EYS: variants seen among roughly 807,000 people sequenced by gnomAD.
EYS encodes the protein protein eyes shut homolog.
In EYS, 250 loss-of-function variants were observed where a neutral mutation model predicts 282.1. The observed-to-expected ratio is 0.89, with a 90% CI of 0.80 to 0.98. The LOEUF (loss-of-function observed/expected upper bound fraction) is 0.98, where lower values mean the gene tolerates loss of function less well. EYS is among the 50% of genes least tolerant of loss of function. The pLI is 0.00. For missense variants in EYS, 4,016 were observed against 3,709.0 expected (o/e 1.08, Z -2.15); for synonymous variants, 1,355 against 1,282.9 (o/e 1.06, Z -1.20).
In EYS at chr6:64,992,597, A is replaced by G. The variant is rs545721722; in HGVS notation, c.2259+4985T>C. On this transcript the variant is annotated intron_variant, in intron 14 of 42. Coordinates refer to ENST00000503581, the MANE Select transcript of EYS (RefSeq NM_001142800.2). ...ACACTCCAAAGTATCTGAGAAATTA[A>G]TGAGAACTAAATGTGCTTTTGTCTC... 1.1e-4 allele frequency among the ~76,000 whole-genome samples: 16 copies of G among 152,070 alleles called. No homozygotes were observed. The South Asian group carries it at 2.9e-3, about 28-fold the overall frequency.
intron 41 of EYS, among the ~76,000 whole-genome samples, chr6:63,760,895 T>G (rs917123083): frequency 3.3e-5 from 5 of 152,032 alleles, no homozygotes; most frequent in African/African-American, 1.2e-4. Flanking sequence ...GTCATATTAT[T>G]TATTTCCATT....
At chr6:63,963,538 C>T (rs1766175006) in intron 35 of EYS, among the ~76,000 whole-genome samples, 1 of 152,144 alleles carries the variant, frequency 6.6e-6, no homozygotes, top group Non-Finnish European at 1.5e-5. Context: ...GCTTTCTGCT[C>T]CTGGCGCAGC....
intron 11 of EYS, chr6:65,330,004 C>T (rs561263703): frequency 1.0e-3 from 997 of 983,782 alleles, no homozygotes; most frequent in Non-Finnish European, 1.1e-3. Flanking sequence ...GTAAAGGAAA[C>T]AGGTTAAATT....
chr6:65,254,699 A>G (rs997085673), intron 12 of EYS, among the ~76,000 whole-genome samples: 1 of 151,834 alleles, frequency 6.6e-6, no homozygotes, highest in South Asian at 2.1e-4. Flanking sequence ...GTGGAAAGTT[A>G]TGTAGGGCTG....
intron 19 of EYS, among the ~76,000 whole-genome samples, chr6:64,844,324 A>C (rs192809305): frequency 6.6e-6 from 1 of 151,244 alleles, no homozygotes; most frequent in Admixed American, 6.6e-5. Flanking sequence ...GAGTGAGACT[A>C]AAACCATGTA....
intron 26 of EYS, among the ~76,000 whole-genome samples, chr6:64,507,966 C>T (rs1485520775): frequency 6.6e-6 from 1 of 152,134 alleles, no homozygotes; most frequent in Non-Finnish European, 1.5e-5. Context: ...GAGACGGTTC[C>T]TGAGTGGAAC....
chr6:64,425,657 G>GAAAA (rs34577912), intron 28 of EYS, among the ~76,000 whole-genome samples: 32 of 67,788 alleles, frequency 4.7e-4, no homozygotes, highest in African/African-American at 1.4e-3. Context: ...TCCATCCCAG[G>GAAAA]AAAAAAAAAA....
intron 33 of EYS, among the ~76,000 whole-genome samples, chr6:64,017,109 CA>C (rs1204560358): frequency 2.0e-5 from 3 of 151,816 alleles, no homozygotes; most frequent in Admixed American, 1.3e-4. Flanking sequence ...TATATGAGTG[CA>C]AAGGCAAGGA....
intron 29 of EYS, among the ~76,000 whole-genome samples, chr6:64,313,462 G>C (rs1769810663): frequency 6.6e-6 from 1 of 152,104 alleles, no homozygotes; most frequent in South Asian, 2.1e-4. Context: ...ACACTCTGCA[G>C]GATATTATCC....
At chr6:64,995,813 T>A (rs1440422671) in intron 14 of EYS, among the ~76,000 whole-genome samples, 1 of 150,110 alleles carries the variant, frequency 6.7e-6, no homozygotes, top group African/African-American at 2.4e-5. Context: ...TTAGTGGCAA[T>A]TCATAAAATA....
chr6:65,628,068 A>G (rs1054312035), intron 2 of EYS, among the ~76,000 whole-genome samples: 7 of 152,216 alleles, frequency 4.6e-5, no homozygotes, highest in African/African-American at 1.7e-4. Flanking sequence ...CACACCAATC[A>G]GCACCGTGTG....
chr6:64,736,980 T>C (rs1772205400), intron 22 of EYS, among the ~76,000 whole-genome samples: 1 of 152,212 alleles, frequency 6.6e-6, no homozygotes, highest in South Asian at 2.1e-4. Flanking sequence ...TGATGTTTCA[T>C]TGTGTATTTT....
At chr6:65,106,312 T>C (rs912901747) in intron 12 of EYS, among the ~76,000 whole-genome samples, 18 of 152,154 alleles carry the variant, frequency 1.2e-4, no homozygotes, top group African/African-American at 4.3e-4. Context: ...ACCCTTATTT[T>C]TTCTTTACTT....
chr6:65,175,309 C>T (rs963492083), intron 12 of EYS, among the ~76,000 whole-genome samples: 1 of 151,238 alleles, frequency 6.6e-6, no homozygotes, highest in African/African-American at 2.4e-5. Flanking sequence ...GTAAGGCAAG[C>T]ACAGGAGATG....
intron 1 of EYS, among the ~76,000 whole-genome samples, chr6:65,680,632 G>A (rs1364818728): frequency 6.6e-6 from 1 of 151,934 alleles, no homozygotes; most frequent in Non-Finnish European, 1.5e-5. Flanking sequence ...TTTAAAGACT[G>A]CAATTTGTTT....
At chr6:65,105,549 A>G (rs989954242) in intron 12 of EYS, among the ~76,000 whole-genome samples, 7 of 151,902 alleles carry the variant, frequency 4.6e-5, no homozygotes, top group Non-Finnish European at 2.9e-5. Flanking sequence ...AATTTAAATG[A>G]CTATACATTT....
intron 28 of EYS, among the ~76,000 whole-genome samples, chr6:64,399,563 T>A (rs1377137705): frequency 6.6e-6 from 1 of 151,952 alleles, no homozygotes; most frequent in African/African-American, 2.4e-5. Flanking sequence ...TCACTACAGA[T>A]GAATTATTGA....
intron 22 of EYS, among the ~76,000 whole-genome samples, chr6:64,665,882 T>C (rs1769212343): frequency 1.3e-5 from 2 of 151,996 alleles, no homozygotes; most frequent in Admixed American, 1.3e-4. Flanking sequence ...CAATTTGCTG[T>C]TTTCCCTTCA....
At chr6:64,391,481 A>C (rs1055688586) in intron 28 of EYS, among the ~76,000 whole-genome samples, 1 of 151,666 alleles carries the variant, frequency 6.6e-6, no homozygotes, top group African/African-American at 2.4e-5. Context: ...CAACATTCTT[A>C]AAGAAAAGAA....
Sources: allele counts gnomAD v4.1 joint callset (sites outside exome capture counted in the v4.1 genomes callset), GRCh38; gene constraint gnomAD v4.1.1; transcripts MANE v1.5; gene names NCBI Gene and HGNC (gene_info 2026-07-23, HGNC 2026-07-21).